The following RYR3 variants were observed in gnomAD, a reference collection of about 807,000 sequenced individuals.
RYR3 encodes the protein brain ryanodine receptor-calcium release channel.
In RYR3, 207 loss-of-function variants were observed where a neutral mutation model predicts 584.3. The ratio of observed to expected loss-of-function variants is 0.35; its 90% CI spans 0.32 to 0.40. The LOEUF is 0.40. RYR3 is among the 10% of genes least tolerant of loss of function. The pLI is 1.00. For synonymous variants in RYR3, 2,416 were observed against 2,248.5 expected (o/e 1.07, Z -2.11); for missense variants, 5,616 against 6,089.2 (o/e 0.92, Z 2.59).
chr15:33,538,638 C>T (rs2055539618), intron 5 of RYR3, among the ~76,000 whole-genome samples: 1 of 152,192 alleles, frequency 6.6e-6, no homozygotes, highest in African/African-American at 2.4e-5. Flanking sequence ...ATGTCCTTTT[C>T]AACCTTTCCA....
At chr15:33,580,248 A>G in intron 13 of RYR3, 104 bp downstream of exon 13, 1 of 937,922 alleles carries the variant, frequency 1.1e-6, no homozygotes, top group African/African-American at 1.7e-5. Flanking sequence ...TGTTTATGAG[A>G]GAGCCAGAGG....
intron 38 of RYR3, among the ~76,000 whole-genome samples, chr15:33,682,266 G>A (rs1482434871): frequency 2.0e-5 from 3 of 152,030 alleles, no homozygotes; most frequent in Non-Finnish European, 2.9e-5. Flanking sequence ...CCAAACTGAT[G>A]TACTAAGGCT....
At chr15:33,661,222 A>C (rs4779627) in intron 34 of RYR3, among the ~76,000 whole-genome samples, 141,212 of 151,806 alleles carry the variant, frequency 0.93, 65,907 homozygotes, top group Non-Finnish European at 0.97. Flanking sequence ...GACTAAATGA[A>C]AAATCTAAGC....
rs765546163 is a variant in RYR3 at position 33,837,892 on chromosome 15, A to T, written c.11912A>T (p.Asn3971Ile). 4.3e-6 allele frequency: 7 copies of T among 1,614,030 alleles called. No individual in the cohort carries two copies. Among genetic ancestry groups the T allele is most frequent in the Non-Finnish European group, 5.9e-6 (7 of 1,179,886 alleles). Residue 3971 changes from asparagine (N) to isoleucine (I), a missense_variant, in exon 89 of 104, where the codon AAT becomes ATT. Asn to Ile is a moderately radical substitution (Grantham distance 149). Around this residue, in one of 9 missense-constraint regions of RYR3, gnomAD observed 258 missense variants for 297.3 expected, o/e 0.87. Transcript: ENST00000634891. ...CTGTCGTGTGCAGAAGCTGATGAGA[A>T]TGACATGTTTAATTACGTTGATTTT... ...FLLSCAEADENDMFNYVDFVD... is the reference protein window; with the variant it reads ...FLLSCAEADEIDMFNYVDFVD...
intron 18 of RYR3, among the ~76,000 whole-genome samples, chr15:33,609,167 A>G (rs2060047993): frequency 6.6e-6 from 1 of 152,248 alleles, no homozygotes; most frequent in Admixed American, 6.5e-5. Context: ...AGAACCTTGG[A>G]ATTTGTATTT....
In RYR3 at chr15:33,748,562, T is replaced by C. The variant is rs150447520; in HGVS notation, c.8199+32T>C. On this transcript the variant is annotated intron_variant, in intron 55 of 103. Transcript: ENST00000634891. Reference sequence around the variant, plus strand: ...GCCCCAGGTCCAGCATGACTTGCTTTCAAGTGCAGGACGCATTACCTTCCA... The same window carrying C: ...GCCCCAGGTCCAGCATGACTTGCTTCCAAGTGCAGGACGCATTACCTTCCA... The C allele has an allele frequency of 3.4e-5, 53 of 1,579,100 alleles. No individual in the cohort carries two copies. In the East Asian group the frequency reaches 1.2e-3, roughly 36 times the overall value.
chr15:33,577,967 C>T (rs1160779183), intron 12 of RYR3, among the ~76,000 whole-genome samples: 1 of 152,100 alleles, frequency 6.6e-6, no homozygotes, highest in African/African-American at 2.4e-5. Flanking sequence ...ACAGACAGTT[C>T]TCAAAAGAAG....
At chr15:33,590,050 G>C (rs1314043944) in intron 16 of RYR3, among the ~76,000 whole-genome samples, 1 of 152,244 alleles carries the variant, frequency 6.6e-6, no homozygotes, top group South Asian at 2.1e-4. Flanking sequence ...GGTGGGTAGT[G>C]GAAAATTACA....
intron 1 of RYR3, among the ~76,000 whole-genome samples, chr15:33,402,006 G>A (rs951825901): frequency 6.6e-6 from 1 of 152,144 alleles, no homozygotes; most frequent in South Asian, 2.1e-4. Context: ...GACTGAGAAA[G>A]ATGAGGTTCT....
chr15:33,807,665 A>C, intron 70 of RYR3, 96 bp downstream of exon 70: 3 of 1,294,264 alleles, frequency 2.3e-6, no homozygotes, highest in Non-Finnish European at 3.3e-6. Context: ...GGGGTGGTAG[A>C]GAATGGATTT....
chr15:33,439,064 T>A (rs2045989256), intron 1 of RYR3, among the ~76,000 whole-genome samples: 1 of 152,218 alleles, frequency 6.6e-6, no homozygotes, highest in Non-Finnish European at 1.5e-5. Context: ...TCTGTAATCT[T>A]TTAATGTAGT....
In RYR3 at chr15:33,823,026, G is replaced by A. The variant is rs2077191159; in HGVS notation, c.11026G>A (p.Asp3676Asn). 6.2e-7 allele frequency: 1 copy of A among 1,613,480 alleles called. No individual in the cohort carries two copies. The change falls in exon 81 of 104, where the codon GAT (aspartate) becomes AAT (asparagine). Residue 3676 changes from aspartate to asparagine, a missense_variant. Asp to Asn is a conservative substitution (Grantham distance 23, BLOSUM62 1). This residue lies in a region of RYR3 where 954 missense variants were observed against 1,132.2 expected (regional missense o/e 0.84). Transcript: ENST00000634891. The stretch of plus-strand genomic sequence containing the variant: ...GCTAGATTACCTAAAGGAGAAAAAG[G>A]ATGCTGGATTCTTTCAAAGCCTTTC... ...KMLDYLKEKKDAGFFQSLSGL... is the reference protein window; with the variant it reads ...KMLDYLKEKKNAGFFQSLSGL...
rs577868931 is a variant in RYR3, at chr15:33,487,425, T to C, written c.171+13887T>C. Among the ~76,000 whole-genome samples, 7 of 152,326 alleles carry C rather than the reference T, an allele frequency of 4.6e-5. No homozygotes were observed. The South Asian group carries it at 1.2e-3, about 27-fold the overall frequency. On this transcript the variant is annotated intron_variant, in intron 2 of 103. Coordinates refer to ENST00000634891, the MANE Select transcript of RYR3 (RefSeq NM_001036.6). ...ATGAGACTTTTGGGTTTAATCCTGC[T>C]GTCTTCTGGAGCATGGTGGGCATGT...
At chr15:33,821,651 T>G (rs746422147) in intron 80 of RYR3, 49 bp downstream of exon 80, 2 of 1,552,086 alleles carry the variant, frequency 1.3e-6, no homozygotes, top group Non-Finnish European at 1.8e-6. Flanking sequence ...TATTCCCATT[T>G]GACACCTGTC....
At chr15:33,399,024 A>AT (rs1428808846) in intron 1 of RYR3, among the ~76,000 whole-genome samples, 1 of 152,070 alleles carries the variant, frequency 6.6e-6, no homozygotes, top group Non-Finnish European at 1.5e-5. Context: ...AGAATCCTGG[A>AT]TTTATACAAG....
intron 10 of RYR3, among the ~76,000 whole-genome samples, chr15:33,555,808 C>T (rs1180830282): frequency 6.6e-6 from 1 of 152,100 alleles, no homozygotes. Context: ...TATGCCTTCC[C>T]CAATAAGGCA....
chr15:33,614,116 TAACTCATTTTGTAATAAAATCTAACCTG>T (rs767642854), intron 19 of RYR3, among the ~76,000 whole-genome samples: 2 of 152,216 alleles, frequency 1.3e-5, no homozygotes, highest in Non-Finnish European at 2.9e-5. Flanking sequence ...AATTTGTTCA[TAACTCATTTTGTAATAAAATCTAACCTG>T]AACTCATTTT....
At chr15:33,354,779 AG>A (rs2140957243) in intron 1 of RYR3, among the ~76,000 whole-genome samples, 1 of 152,334 alleles carries the variant, frequency 6.6e-6, no homozygotes, top group South Asian at 2.1e-4. Flanking sequence ...CAATTTCCTT[AG>A]CAATTCACAA....
chr15:33,594,397 C>T (rs8034513), intron 16 of RYR3, among the ~76,000 whole-genome samples: 1 of 152,138 alleles, frequency 6.6e-6, no homozygotes, highest in Non-Finnish European at 1.5e-5. Flanking sequence ...AACAAATATG[C>T]TCCAAATTTT....
Sources: allele counts gnomAD v4.1 joint callset (sites outside exome capture counted in the v4.1 genomes callset), GRCh38; gene constraint gnomAD v4.1.1; regional missense constraint gnomAD v4.1.1; transcripts MANE v1.5; gene names NCBI Gene and HGNC (gene_info 2026-07-23, HGNC 2026-07-21).